Variants in CCT4 observed in about 807,000 individuals in gnomAD.
CCT4 encodes the protein T-complex protein 1 subunit delta.
A neutral mutation model predicts 62.5 loss-of-function variants in CCT4; 17 were observed. That is an observed-to-expected ratio of 0.27 (90% CI 0.19 to 0.41). The LOEUF (loss-of-function observed/expected upper bound fraction) is 0.41. Among genes scored for constraint, CCT4 ranks in the 10% least tolerant of loss-of-function variants. The probability of loss-of-function intolerance (pLI) is 1.00; values close to 1 mark genes in which losing one functional copy is unlikely to be tolerated. For missense variants in CCT4, 592 were observed against 659.2 expected (o/e 0.90, Z 1.12); for synonymous variants, 250 against 229.9 (o/e 1.09, Z -0.79).
At chr2:61,883,777 C>CAG (rs1558508270) in intron 2 of CCT4, among the ~76,000 whole-genome samples, 2 of 28,998 alleles carry the variant, frequency 6.9e-5, no homozygotes, top group South Asian at 1.1e-3. Context: ...AATGTAGACA[C>CAG]ACACACACAC....
intron 3 of CCT4, among the ~76,000 whole-genome samples, chr2:61,883,195 A>C (rs1222479645): frequency 6.6e-6 from 1 of 152,114 alleles, no homozygotes; most frequent in Non-Finnish European, 1.5e-5. Flanking sequence ...AGGCCAACGT[A>C]GGTGGATCAC....
chr2:61,877,567 A>G (rs544109881), intron 5 of CCT4, 53 bp from the exon 6 acceptor site: 7 of 1,356,132 alleles, frequency 5.2e-6, no homozygotes, highest in Non-Finnish European at 6.9e-6. Context: ...AAAAAGTCCT[A>G]ATTTTTCAAT....
chr2:61,871,550 G>A (rs1668883859), intron 12 of CCT4, among the ~76,000 whole-genome samples: 1 of 152,124 alleles, frequency 6.6e-6, no homozygotes, highest in South Asian at 2.1e-4. Flanking sequence ...TTGGCGTTCT[G>A]TACCATACAG....
chr2:61,878,304 G>T (rs1466354011), intron 5 of CCT4, among the ~76,000 whole-genome samples: 1 of 152,192 alleles, frequency 6.6e-6, no homozygotes, highest in Non-Finnish European at 1.5e-5. Flanking sequence ...TTTAAGTTTG[G>T]TAAATAAGAA....
At chr2:61,880,887 C>G (rs1333990699) in intron 3 of CCT4, among the ~76,000 whole-genome samples, 1 of 151,872 alleles carries the variant, frequency 6.6e-6, no homozygotes, top group Non-Finnish European at 1.5e-5. Context: ...TTTAAAAAGT[C>G]TTTTTTGTTC....
In CCT4 at chr2:61,872,074, A is replaced by G. The variant is rs1276007168; in HGVS notation, c.1491+8T>C. On this transcript the variant is annotated splice_region_variant and intron_variant, in intron 12 of 13. Coordinates refer to ENST00000394440, the MANE Select transcript of CCT4 (RefSeq NM_006430.4). ...CAATATTTTCTACATTAGAGATTAA[A>G]TGATTACCTTTCGGACATTAATGCC... 6.4e-7 allele frequency: 1 copy of G among 1,560,084 alleles called. No individual in the cohort carries two copies.
rs11371205 is a variant in CCT4 at position 61,877,525 on chromosome 2, TAA to T, written c.523-13_523-12del. The T allele has an allele frequency of 0.011, 13,647 of 1,286,264 alleles. No individual in the cohort carries two copies. The highest frequency in any genetic ancestry group is 0.034 in the East Asian group (1,164 of 33,798). 79.7% of individuals were successfully genotyped at this position (1,286,264 alleles called of 1,614,324 possible). A position where few individuals can be genotyped will look rare whatever the true frequency, so the allele number is the denominator to read the frequency against. ...ATACTGAGAAACCACCTAGAATTAT[TAA>T]AAAAAAAAAAAAGTTACCTTCACAG... On this transcript the variant is annotated splice_polypyrimidine_tract_variant and intron_variant, in intron 5 of 13. Coordinates refer to ENST00000394440, the MANE Select transcript of CCT4 (RefSeq NM_006430.4).
At chr2:61,877,250 C>T in intron 6 of CCT4, 143 bp downstream of exon 6, 1 of 914,992 alleles carries the variant, frequency 1.1e-6, no homozygotes, top group Non-Finnish European at 1.6e-6. Context: ...TCCAGATGCC[C>T]ATACTAATAC....
In CCT4 at chr2:61,888,361, T is replaced by A. The variant is rs1386349103; in HGVS notation, c.127+20A>T. On this transcript the variant is annotated intron_variant, in intron 1 of 13. Transcript: ENST00000394440. ...GAGCACAACCCCGCGGCGCCGCGGG[T>A]CAGGCCATGAGAGTGATACCTTTGG... The A allele has an allele frequency of 6.2e-7, 1 of 1,602,918 alleles. No homozygotes were observed. Among genetic ancestry groups the A allele is most frequent in the Non-Finnish European group, 8.5e-7 (1 of 1,174,268 alleles).
Position 61,868,582 on chromosome 2 carries a change from A to G in CCT4, c.*110T>C, listed in dbSNP as rs1309095183. The G allele has an allele frequency of 6.2e-6, 5 of 808,744 alleles. No homozygotes were observed. In the African/African-American group the frequency reaches 6.8e-5, roughly 11 times the overall value. 50.1% of individuals were successfully genotyped at this position (808,744 alleles called of 1,614,324 possible). A position where few individuals can be genotyped will look rare whatever the true frequency, so the allele number is the denominator to read the frequency against. On this transcript the variant is annotated 3_prime_UTR_variant, in exon 14 of 14. Coordinates refer to ENST00000394440, the MANE Select transcript of CCT4 (RefSeq NM_006430.4). ...CAGGCAAATGCCAACTGGAAGACCA[A>G]GCCCAGAAATTCAGAGGAAATAATC...
At chr2:61,877,864 C>T (rs763639511) in intron 5 of CCT4, among the ~76,000 whole-genome samples, 4 of 152,144 alleles carry the variant, frequency 2.6e-5, no homozygotes, top group Non-Finnish European at 5.9e-5. Flanking sequence ...TATGTATGTA[C>T]ATTCCTGATG....
chr2:61,880,596 A>G (rs1010551372), intron 3 of CCT4, among the ~76,000 whole-genome samples: 1 of 152,200 alleles, frequency 6.6e-6, no homozygotes, highest in Non-Finnish European at 1.5e-5. Context: ...GTGGGTTGTC[A>G]TCTCCCCCTG....
At chr2:61,885,144 A>C in intron 1 of CCT4, 72 bp from the exon 2 acceptor site, 2 of 1,190,244 alleles carry the variant, frequency 1.7e-6, no homozygotes, top group Non-Finnish European at 2.3e-6. Flanking sequence ...GTCTTACTAT[A>C]TTGTCCAGGA....
Position 61,888,584 on chromosome 2 carries a change from G to T in CCT4, c.-77C>A. ...TTCTGGCCGGCCGCAGTGTAATAAC[G>T]GTAAGCCCTCACTGCCTTCACGAAC... On this transcript the variant is annotated 5_prime_UTR_variant, in exon 1 of 14. Coordinates refer to ENST00000394440, the MANE Select transcript of CCT4 (RefSeq NM_006430.4). 2.0e-6 allele frequency: 3 copies of T among 1,525,112 alleles called. No homozygotes were observed. Among genetic ancestry groups the T allele is most frequent in the Non-Finnish European group, 2.7e-6 (3 of 1,130,532 alleles). The allele number at this position is 1,525,112 out of a possible 1,614,324, so 94.5% of individuals were successfully genotyped here.
chr2:61,876,653 G>A (rs1268399146), intron 7 of CCT4, among the ~76,000 whole-genome samples: 3 of 152,146 alleles, frequency 2.0e-5, no homozygotes, highest in South Asian at 2.1e-4. Context: ...CAAACTCCTA[G>A]GTTCAAGCAA....
At chr2:61,881,258 C>A (rs17514211) in intron 3 of CCT4, among the ~76,000 whole-genome samples, 24,065 of 151,870 alleles carry the variant, frequency 0.16, 2,047 homozygotes, top group Middle Eastern at 0.22. Context: ...CTATAATAAT[C>A]ATTTTTTTCA....
intron 8 of CCT4, among the ~76,000 whole-genome samples, chr2:61,875,684 C>A (rs1379867832): frequency 6.6e-6 from 1 of 151,990 alleles, no homozygotes; most frequent in Non-Finnish European, 1.5e-5. Context: ...GGGCTCCACC[C>A]TGAAGCCAAT....
chr2:61,873,387 G>T, intron 8 of CCT4, 94 bp from the exon 9 acceptor site: 1 of 621,274 alleles, frequency 1.6e-6, no homozygotes. Flanking sequence ...TTCTTAAATG[G>T]CCAATCATTA....
intron 5 of CCT4, among the ~76,000 whole-genome samples, chr2:61,877,742 T>A (rs1015724197): frequency 6.6e-6 from 1 of 152,142 alleles, no homozygotes; most frequent in South Asian, 2.1e-4. Flanking sequence ...TTTATTAATA[T>A]AATAGCCGGG....
Sources: gnomAD v4.1 joint callset for allele counts (sites outside exome capture counted in the v4.1 genomes callset) on GRCh38, gnomAD v4.1.1 for gene constraint, MANE v1.5 for transcripts, NCBI Gene and HGNC (gene_info 2026-07-23, HGNC 2026-07-21) for gene names.